FARS2: variants seen among roughly 807,000 people sequenced by gnomAD.
FARS2 encodes the protein phenylalanine--tRNA ligase, mitochondrial.
In FARS2, 40 loss-of-function variants were observed where a neutral mutation model predicts 46.4. The ratio of observed to expected loss-of-function variants is 0.86; its 90% CI spans 0.67 to 1.12. The LOEUF (loss-of-function observed/expected upper bound fraction) is 1.12. Ranked by LOEUF, FARS2 falls within the 50% of genes most tolerant of loss-of-function variation. FARS2 has a pLI of 0.00. For missense variants in FARS2, 513 were observed against 567.9 expected (o/e 0.90, Z 0.98); for synonymous variants, 234 against 214.9 (o/e 1.09, Z -0.78).
chr6:5,591,154 GA>G (rs1439475020), intron 5 of FARS2, among the ~76,000 whole-genome samples: 1 of 152,156 alleles, frequency 6.6e-6, no homozygotes, highest in African/African-American at 2.4e-5. Flanking sequence ...TCTTAGATAA[GA>G]AAACCCTACC....
chr6:5,453,977 G>C (rs1214271719), intron 4 of FARS2, among the ~76,000 whole-genome samples: 1 of 152,026 alleles, frequency 6.6e-6, no homozygotes, highest in Non-Finnish European at 1.5e-5. Flanking sequence ...AGCCGAGGGA[G>C]GTTTAACAAG....
At chr6:5,704,270 A>G (rs896974096) in intron 6 of FARS2, among the ~76,000 whole-genome samples, 3 of 152,240 alleles carry the variant, frequency 2.0e-5, no homozygotes, top group South Asian at 2.1e-4. Flanking sequence ...GCATCTTTAC[A>G]TGTCACAGGG....
chr6:5,260,601 C>CGGGCCCCGGGG, upstream of FARS2: 1 of 1,202,676 alleles, frequency 8.3e-7, no homozygotes, highest in Non-Finnish European at 1.2e-6. Context: ...CCCCCGGTCC[C>CGGGCCCCGGGG]CGGCCCCTGG....
rs141435615 is a variant in FARS2 at position 5,654,294 on chromosome 6, C to G, written c.1217+40974C>G. Among the ~76,000 whole-genome samples, 665 of 152,324 alleles carry G rather than the reference C, an allele frequency of 4.4e-3. 3 individuals are homozygous for G. Among genetic ancestry groups the G allele is most frequent in the African/African-American group, 0.013 (559 of 41,572 alleles). On this transcript the variant is annotated intron_variant, in intron 6 of 6. Transcript: ENST00000274680. The stretch of plus-strand genomic sequence containing the variant: ...CATCCATGGGTTTCCTCCTGGCAGA[C>G]TGTGGGGTCGGATGCCTCTTCTCCA...
In FARS2 at chr6:5,763,766, TGG is replaced by T. The variant is rs781250233; in HGVS notation, c.1218-7524_1218-7523del. Among the ~76,000 whole-genome samples, 44 of 141,770 alleles carry T rather than the reference TGG, an allele frequency of 3.1e-4. 1 individual carries two copies. The highest frequency in any genetic ancestry group is 3.6e-3 in the Middle Eastern group (1 of 274). The allele number at this position is 141,770 out of a possible 152,430, so 93.0% of individuals were successfully genotyped here. The stretch of plus-strand genomic sequence containing the variant: ...CAGAATTTCATCTTCTCTTCCCTTT[TGG>T]TTTTTTTTTTTTTTTTTTAACATAG... On this transcript the variant is annotated intron_variant, in intron 6 of 6. Transcript: ENST00000274680.
At chr6:5,567,136 G>A (rs1336229002) in intron 5 of FARS2, among the ~76,000 whole-genome samples, 1 of 152,180 alleles carries the variant, frequency 6.6e-6, no homozygotes, top group East Asian at 1.9e-4. Flanking sequence ...CACCAACAGT[G>A]CACAAGTGTT....
At chr6:5,444,627 A>G (rs76523667) in intron 4 of FARS2, among the ~76,000 whole-genome samples, 2,534 of 152,198 alleles carry the variant, frequency 0.017, 70 homozygotes, top group African/African-American at 0.058. Context: ...TTTGATCACT[A>G]TGGTATTCCC....
At chr6:5,684,774 C>T (rs1408566519) in intron 6 of FARS2, among the ~76,000 whole-genome samples, 1 of 152,138 alleles carries the variant, frequency 6.6e-6, no homozygotes, top group Non-Finnish European at 1.5e-5. Flanking sequence ...TAATCTCAGC[C>T]ATCAGATGTT....
intron 6 of FARS2, among the ~76,000 whole-genome samples, chr6:5,662,741 G>A (rs1014726615): frequency 6.6e-6 from 1 of 152,320 alleles, no homozygotes; most frequent in African/African-American, 2.4e-5. Context: ...GGTGTGTGCG[G>A]TGGTCAAGAG....
At chr6:5,522,316 T>C (rs570495710) in intron 4 of FARS2, among the ~76,000 whole-genome samples, 1 of 152,316 alleles carries the variant, frequency 6.6e-6, no homozygotes, top group African/African-American at 2.4e-5. Flanking sequence ...AGGAAGGTCA[T>C]GTGGCCCCAG....
At chr6:5,550,335 G>A (rs1301917273) in intron 5 of FARS2, among the ~76,000 whole-genome samples, 1 of 152,106 alleles carries the variant, frequency 6.6e-6, no homozygotes, top group African/African-American at 2.4e-5. Context: ...GAGCCCAGTG[G>A]TGCCATCACG....
rs574544814 is a variant in FARS2 at position 5,590,081 on chromosome 6, G to A, written c.1066-23088G>A. 3.9e-5 allele frequency among the ~76,000 whole-genome samples: 6 copies of A among 152,320 alleles called. No individual in the cohort carries two copies. In the South Asian group the frequency reaches 1.2e-3, roughly 32 times the overall value. ...GTTTTTGAAGATTAAATATCAAAATGTATGTAAGGTTCTCAGTTCAGTACC... is the reference window on the plus strand; with the variant it reads ...GTTTTTGAAGATTAAATATCAAAATATATGTAAGGTTCTCAGTTCAGTACC... On this transcript the variant is annotated intron_variant, in intron 5 of 6. Coordinates refer to ENST00000274680, the MANE Select transcript of FARS2 (RefSeq NM_006567.5).
intron 4 of FARS2, among the ~76,000 whole-genome samples, chr6:5,447,647 A>G (rs1464911643): frequency 1.3e-5 from 2 of 152,320 alleles, no homozygotes; most frequent in East Asian, 3.9e-4. Flanking sequence ...ATAAATGTTT[A>G]TTGTGTTTTT....
intron 1 of FARS2, among the ~76,000 whole-genome samples, chr6:5,265,390 T>A (rs907512541): frequency 6.6e-6 from 1 of 152,236 alleles, no homozygotes; most frequent in African/African-American, 2.4e-5. Flanking sequence ...CTGTACTAGC[T>A]TTATTTTAGT....
At chr6:5,556,599 A>G (rs529985600) in intron 5 of FARS2, among the ~76,000 whole-genome samples, 56 of 151,974 alleles carry the variant, frequency 3.7e-4, no homozygotes, top group African/African-American at 1.3e-3. Flanking sequence ...TTTTTTTGTG[A>G]AAAAGGAGAT....
At chr6:5,674,896 A>G (rs1029985391) in intron 6 of FARS2, among the ~76,000 whole-genome samples, 3 of 152,226 alleles carry the variant, frequency 2.0e-5, no homozygotes, top group East Asian at 1.9e-4. Flanking sequence ...AAATGAAACC[A>G]TTGAGACCGA....
intron 4 of FARS2, among the ~76,000 whole-genome samples, chr6:5,502,670 T>C (rs1003446544): frequency 2.6e-5 from 4 of 152,368 alleles, no homozygotes; most frequent in Admixed American, 6.5e-5. Context: ...TTTTTGCATA[T>C]TGTTTTCAAA....
intron 6 of FARS2, among the ~76,000 whole-genome samples, chr6:5,706,980 T>C (rs1294697940): frequency 2.0e-5 from 3 of 152,224 alleles, no homozygotes; most frequent in African/African-American, 7.2e-5. Flanking sequence ...CCAGCGCGCC[T>C]TGATGAACCA....
intron 4 of FARS2, among the ~76,000 whole-genome samples, chr6:5,468,398 G>C (rs1267671911): frequency 6.6e-6 from 1 of 150,962 alleles, no homozygotes; most frequent in East Asian, 1.9e-4. Flanking sequence ...TATAATGAAA[G>C]AAAAGGAGAA....
Sources: allele counts gnomAD v4.1 joint callset (sites outside exome capture counted in the v4.1 genomes callset), GRCh38; gene constraint gnomAD v4.1.1; transcripts MANE v1.5; gene names NCBI Gene and HGNC (gene_info 2026-07-23, HGNC 2026-07-21).